The following DLGAP4 variants were observed in gnomAD, a reference collection of about 807,000 sequenced individuals.
The protein encoded by DLGAP4 is disks large-associated protein 4.
A neutral mutation model predicts 86.9 loss-of-function variants in DLGAP4; 18 were observed. The ratio of observed to expected loss-of-function variants is 0.21; its 90% CI spans 0.14 to 0.31. The LOEUF is 0.31. Among genes scored for constraint, DLGAP4 ranks in the 10% least tolerant of loss-of-function variants. The pLI is 1.00. For missense variants in DLGAP4, 1,085 were observed against 1,362.6 expected (o/e 0.80, Z 3.21); for synonymous variants, 548 against 574.3 (o/e 0.95, Z 0.65).
intron 7 of DLGAP4, among the ~76,000 whole-genome samples, chr20:36,483,244 T>C (rs1378218375): frequency 1.3e-5 from 2 of 152,154 alleles, no homozygotes; most frequent in African/African-American, 4.8e-5. Context: ...ATGGCTGCAG[T>C]GGTAGTAGAA....
At chr20:36,369,828 A>G (rs114394539) in intron 2 of DLGAP4, among the ~76,000 whole-genome samples, 22 of 152,336 alleles carry the variant, frequency 1.4e-4, no homozygotes, top group African/African-American at 5.3e-4. Context: ...ATAATAGCTA[A>G]TGTTTATTGA....
intron 1 of DLGAP4, among the ~76,000 whole-genome samples, chr20:36,312,331 A>G (rs1469651720): frequency 6.6e-6 from 1 of 152,124 alleles, no homozygotes; most frequent in Non-Finnish European, 1.5e-5. Context: ...AGCCCTCAAT[A>G]TGCACATGCA....
intron 2 of DLGAP4, among the ~76,000 whole-genome samples, chr20:36,389,219 T>G (rs2031705976): frequency 6.6e-6 from 1 of 152,188 alleles, no homozygotes; most frequent in Non-Finnish European, 1.5e-5. Context: ...TGTGTCAATG[T>G]GGGGGTCATC....
chr20:36,371,003 G>C (rs1321934080), intron 2 of DLGAP4, among the ~76,000 whole-genome samples: 4 of 152,200 alleles, frequency 2.6e-5, no homozygotes, highest in Admixed American at 2.6e-4. Flanking sequence ...GGGATTAGCA[G>C]TATTGGCCCC....
chr20:36,362,480 G>T (rs573650510), intron 1 of DLGAP4, among the ~76,000 whole-genome samples: 2 of 152,288 alleles, frequency 1.3e-5, no homozygotes, highest in East Asian at 3.9e-4. Flanking sequence ...ATGGCCAGCA[G>T]AGCTGCTGTA....
intron 12 of DLGAP4, 55 bp downstream of exon 12, chr20:36,526,061 T>TA: frequency 6.2e-7 from 1 of 1,611,954 alleles, no homozygotes; most frequent in Non-Finnish European, 8.5e-7. Context: ...TGGTCGGCAA[T>TA]AACGCTGCCC....
chr20:36,465,822 T>C (rs555469345), intron 7 of DLGAP4, among the ~76,000 whole-genome samples: 3 of 152,126 alleles, frequency 2.0e-5, no homozygotes, highest in Non-Finnish European at 4.4e-5. Flanking sequence ...CCTAGCCACT[T>C]TGAGAAGTTG....
chr20:36,374,558 G>T (rs902940122), intron 2 of DLGAP4, among the ~76,000 whole-genome samples: 1 of 152,196 alleles, frequency 6.6e-6, no homozygotes, highest in African/African-American at 2.4e-5. Context: ...GGGATATTGT[G>T]GGATGAAGGA....
At chr20:36,446,239 C>G (rs530978492) in intron 6 of DLGAP4, among the ~76,000 whole-genome samples, 10 of 152,274 alleles carry the variant, frequency 6.6e-5, no homozygotes, top group African/African-American at 9.6e-5. Context: ...GTACCCATGG[C>G]AAGTGTCTTC....
intron 1 of DLGAP4, among the ~76,000 whole-genome samples, chr20:36,327,326 T>G (rs1305874719): frequency 6.6e-6 from 1 of 152,126 alleles, no homozygotes; most frequent in Non-Finnish European, 1.5e-5. Flanking sequence ...CCACTGGTTT[T>G]GAATGCTTTG....
At chr20:36,353,066 A>G (rs1239501487) in intron 1 of DLGAP4, among the ~76,000 whole-genome samples, 1 of 152,090 alleles carries the variant, frequency 6.6e-6, no homozygotes, top group African/African-American at 2.4e-5. Context: ...ACTCTGGTGA[A>G]TCATCCTTTT....
intron 10 of DLGAP4, chr20:36,512,501 T>C (rs2036766517): frequency 6.6e-6 from 1 of 152,262 alleles, no homozygotes; most frequent in Non-Finnish European, 1.5e-5. Flanking sequence ...CCAGGTACTG[T>C]TGTAGCTTCT....
At chr20:36,470,409 GTGCCTGGGTCC>G (rs1258378504) in intron 7 of DLGAP4, among the ~76,000 whole-genome samples, 3 of 152,252 alleles carry the variant, frequency 2.0e-5, no homozygotes, top group East Asian at 3.9e-4. Context: ...CAAAATCTGT[GTGCCTGGGTCC>G]TGCCTCCCCT....
chr20:36,391,320 CCT>C (rs1048714759), intron 2 of DLGAP4, among the ~76,000 whole-genome samples: 12 of 152,206 alleles, frequency 7.9e-5, no homozygotes, highest in African/African-American at 2.9e-4. Flanking sequence ...TAATTTGCCT[CCT>C]CTCTAATTCT....
At chr20:36,344,608 C>T (rs2065417311) in intron 1 of DLGAP4, among the ~76,000 whole-genome samples, 1 of 152,226 alleles carries the variant, frequency 6.6e-6, no homozygotes, top group African/African-American at 2.4e-5. Context: ...CTACCTGTCC[C>T]CAGGTACTCA....
At chr20:36,354,871 G>T (rs902530907) in intron 1 of DLGAP4, among the ~76,000 whole-genome samples, 1 of 152,144 alleles carries the variant, frequency 6.6e-6, no homozygotes, top group Non-Finnish European at 1.5e-5. Context: ...GAGCCCAGGA[G>T]TTCAGAGCTA....
intron 10 of DLGAP4, among the ~76,000 whole-genome samples, chr20:36,505,214 C>T (rs559855196): frequency 1.3e-5 from 2 of 152,048 alleles, no homozygotes; most frequent in South Asian, 2.1e-4. Flanking sequence ...GTCTCGAACT[C>T]CTGACCTCAT....
chr20:36,448,211 G>A (rs1034065295), intron 7 of DLGAP4, among the ~76,000 whole-genome samples: 5 of 152,012 alleles, frequency 3.3e-5, no homozygotes, highest in Admixed American at 6.6e-5. Context: ...TTCGCTGGTC[G>A]GGTTGGCATA....
intron 2 of DLGAP4, among the ~76,000 whole-genome samples, chr20:36,388,127 G>A (rs7261219): frequency 0.015 from 2,221 of 152,344 alleles, 73 homozygotes; most frequent in African/African-American, 0.051. Flanking sequence ...CTTGGCTATT[G>A]AGAACTGCCA....
Sources: allele counts gnomAD v4.1 joint callset (sites outside exome capture counted in the v4.1 genomes callset), GRCh38; gene constraint gnomAD v4.1.1; transcripts MANE v1.5; gene names NCBI Gene and HGNC (gene_info 2026-07-23, HGNC 2026-07-21).